Variants in ADCY5 observed in about 807,000 individuals in gnomAD.
ADCY5 encodes the protein adenylate cyclase 5.
Under a neutral mutation model 119.7 loss-of-function variants are expected in ADCY5, and 30 were observed. The observed-to-expected ratio is 0.25, with a 90% CI of 0.19 to 0.34. The LOEUF is 0.34. Ranked by LOEUF, ADCY5 falls within the 10% of genes least tolerant of loss-of-function variation. The pLI, the probability that ADCY5 is intolerant of heterozygous loss-of-function variation, is 1.00. For missense variants in ADCY5, 1,324 were observed against 1,775.2 expected, an observed-to-expected ratio of 0.75 and a Z score of 4.57; for synonymous variants, 753 against 762.2, an observed-to-expected ratio of 0.99 and a Z score of 0.20.
At chr3:123,355,674 T>C (rs1943015081) in intron 1 of ADCY5, among the ~76,000 whole-genome samples, 1 of 150,562 alleles carries the variant, frequency 6.6e-6, no homozygotes, top group Admixed American at 6.6e-5. Flanking sequence ...CTAAAATTGG[T>C]CTTTATCTAA....
At chr3:123,357,188 C>T (rs1258267043) in intron 1 of ADCY5, among the ~76,000 whole-genome samples, 1 of 151,356 alleles carries the variant, frequency 6.6e-6, no homozygotes, top group Non-Finnish European at 1.5e-5. Context: ...GTTACACCTG[C>T]AGAACAATGC....
intron 1 of ADCY5, among the ~76,000 whole-genome samples, chr3:123,421,500 TAA>T (rs945174833): frequency 6.6e-6 from 1 of 152,180 alleles, no homozygotes; most frequent in Non-Finnish European, 1.5e-5. Flanking sequence ...CACCTAGTCC[TAA>T]ATCTAGTACC....
At chr3:123,306,703 C>T (rs1338719108) in intron 12 of ADCY5, among the ~76,000 whole-genome samples, 2 of 152,192 alleles carry the variant, frequency 1.3e-5, no homozygotes. Flanking sequence ...AAAAATCAAG[C>T]ATAGAATTAT....
chr3:123,364,508 G>A (rs563281377), intron 1 of ADCY5, among the ~76,000 whole-genome samples: 3 of 152,090 alleles, frequency 2.0e-5, no homozygotes, highest in Non-Finnish European at 4.4e-5. Flanking sequence ...ATATGGATGG[G>A]GCAGAGGAAG....
chr3:123,394,900 T>A (rs959733986), intron 1 of ADCY5, among the ~76,000 whole-genome samples: 2 of 152,174 alleles, frequency 1.3e-5, no homozygotes, highest in African/African-American at 4.8e-5. Flanking sequence ...AAGACTTCTA[T>A]CAGGAAGAAT....
intron 1 of ADCY5, among the ~76,000 whole-genome samples, chr3:123,366,506 G>A (rs775542797): frequency 2.0e-5 from 3 of 152,244 alleles, no homozygotes; most frequent in Admixed American, 2.0e-4. Context: ...AAAAGGGAAG[G>A]GGGGCTGGAG....
intron 1 of ADCY5, among the ~76,000 whole-genome samples, chr3:123,444,429 C>T (rs1364548972): frequency 6.6e-6 from 1 of 151,864 alleles, no homozygotes; most frequent in Non-Finnish European, 1.5e-5. Flanking sequence ...GAAAGGAAGT[C>T]AGAGAGGAAA....
At chr3:123,446,608 A>T (rs1234664222) in intron 1 of ADCY5, among the ~76,000 whole-genome samples, 3 of 152,246 alleles carry the variant, frequency 2.0e-5, no homozygotes, top group African/African-American at 7.2e-5. Context: ...GTCACCAGCT[A>T]ACCAGGCAAA....
At chr3:123,343,870 A>G (rs1052092754) in intron 3 of ADCY5, among the ~76,000 whole-genome samples, 3 of 152,140 alleles carry the variant, frequency 2.0e-5, no homozygotes, top group South Asian at 2.1e-4. Context: ...AAAGGCTGAA[A>G]CATTTCCATT....
chr3:123,364,343 A>G (rs1343303060), intron 1 of ADCY5, among the ~76,000 whole-genome samples: 1 of 152,214 alleles, frequency 6.6e-6, no homozygotes, highest in Non-Finnish European at 1.5e-5. Flanking sequence ...ACCAGAGAGA[A>G]TAAGTCAAAT....
chr3:123,319,877 C>T (rs1175765267), intron 9 of ADCY5, 59 bp from the exon 10 acceptor site: 2 of 1,588,652 alleles, frequency 1.3e-6, no homozygotes, highest in African/African-American at 1.3e-5. Flanking sequence ...CAGCAGAGGG[C>T]TGGCTCTTCC....
In ADCY5 at chr3:123,447,654, T is replaced by C; in HGVS notation, c.892A>G (p.Met298Val). Residue 298 changes from methionine to valine, a missense_variant, in exon 1 of 21, where the codon ATG becomes GTG. This residue lies in a region of ADCY5 where 585 missense variants were observed against 569.9 expected (regional missense o/e 1.03). Coordinates refer to ENST00000462833, the MANE Select transcript of ADCY5 (RefSeq NM_183357.3). ...CNRAAFHQDH[M>V]GLACYALIAV... ...ATGAGCGCATAGCAGGCCAGGCCCA[T>C]GTGGTCCTGGTGGAAGGCGGCGCGG... The C allele has an allele frequency of 3.1e-6, 5 of 1,608,366 alleles. No homozygotes were observed. Among genetic ancestry groups the C allele is most frequent in the Non-Finnish European group, 4.2e-6 (5 of 1,177,550 alleles).
Position 123,283,747 on chromosome 3 carries a change from T to TAATA in ADCY5, c.*857_*860dup, listed in dbSNP as rs1938532428. 6.6e-6 allele frequency: 1 copy of TAATA among 151,980 alleles called. No homozygotes were observed. The highest frequency in any genetic ancestry group is 2.4e-5 in the African/African-American group (1 of 41,396). The allele number at this position is 151,980 out of a possible 1,614,324, so 9.4% of individuals were successfully genotyped here. A position where few individuals can be genotyped will look rare whatever the true frequency, so the allele number is the denominator to read the frequency against. ...CGCCCTGCTGTGCACAGCTGTTTTCTAATATAGAGAATTTACAAAATATAG... is the reference window on the plus strand; with the variant it reads ...CGCCCTGCTGTGCACAGCTGTTTTCTAATAAATATAGAGAATTTACAAAATATAG... On this transcript the variant is annotated 3_prime_UTR_variant, in exon 21 of 21. Transcript: ENST00000462833.
chr3:123,341,741 G>A (rs1239793107), intron 3 of ADCY5, among the ~76,000 whole-genome samples: 2 of 152,004 alleles, frequency 1.3e-5, no homozygotes, highest in East Asian at 3.9e-4. Context: ...CTGTCAAGCT[G>A]CTGTTCCCAT....
Position 123,330,422 on chromosome 3 carries a change from C to A in ADCY5, c.1646+467G>T, listed in dbSNP as rs561246755. 3.3e-5 allele frequency among the ~76,000 whole-genome samples: 5 copies of A among 152,232 alleles called. No homozygotes were observed. The East Asian group carries it at 9.6e-4, about 29-fold the overall frequency. On this transcript the variant is annotated intron_variant, in intron 5 of 20. Coordinates refer to ENST00000462833, the MANE Select transcript of ADCY5 (RefSeq NM_183357.3). ...CACAGGCAGGGTGATTCTCTCTAAG[C>A]GGAACACCTGCATTTGAATCCGCCT...
intron 1 of ADCY5, among the ~76,000 whole-genome samples, chr3:123,356,656 A>G (rs920460532): frequency 2.0e-5 from 3 of 152,232 alleles, no homozygotes; most frequent in Non-Finnish European, 4.4e-5. Flanking sequence ...GGCTGAAGTT[A>G]AATTAGATTA....
At chr3:123,308,243 T>A (rs1316151705) in intron 12 of ADCY5, among the ~76,000 whole-genome samples, 4 of 151,766 alleles carry the variant, frequency 2.6e-5, no homozygotes, top group East Asian at 2.0e-4. Flanking sequence ...TTCACTGTGT[T>A]AGCCAGGATG....
At chr3:123,392,622 G>T (rs549765273) in intron 1 of ADCY5, among the ~76,000 whole-genome samples, 41 of 152,248 alleles carry the variant, frequency 2.7e-4, no homozygotes, top group African/African-American at 9.6e-4. Context: ...CTGAATCCAG[G>T]CCCTCGGTCC....
intron 1 of ADCY5, among the ~76,000 whole-genome samples, chr3:123,438,618 G>T (rs1473400201): frequency 6.6e-6 from 1 of 152,190 alleles, no homozygotes; most frequent in Non-Finnish European, 1.5e-5. Context: ...TCAGTTATCA[G>T]ATCAACTGTC....
Sources: allele counts gnomAD v4.1 joint callset (sites outside exome capture counted in the v4.1 genomes callset), GRCh38; gene constraint gnomAD v4.1.1; regional missense constraint gnomAD v4.1.1; transcripts MANE v1.5; gene names NCBI Gene and HGNC (gene_info 2026-07-23, HGNC 2026-07-21).